The following PLA2G12A variants were observed in gnomAD, a reference collection of about 807,000 sequenced individuals.
PLA2G12A encodes the protein phospholipase A2 group XIIA.
PLA2G12A carries 11 observed loss-of-function variants against 16.0 expected under a neutral mutation model. That is an observed-to-expected ratio of 0.69 (90% CI 0.43 to 1.13). PLA2G12A has a LOEUF of 1.13. PLA2G12A is among the 50% of genes most tolerant of loss of function. PLA2G12A has a pLI of 0.00. For missense variants in PLA2G12A, 214 were observed against 237.3 expected, an observed-to-expected ratio of 0.90 and a Z score of 0.65; for synonymous variants, 77 against 93.8, an observed-to-expected ratio of 0.82 and a Z score of 1.03.
chr4:109,718,683 A>G lies in PLA2G12A; in HGVS notation c.285T>C (p.His95=). The part of the protein sequence containing the change: ...NGCGSPLFGV[H]LNIGIPSLTK... ...TTATCAAATAAAAGACAATATTTAC[A>G]TGAACACCAAACAGTGGAGAGCCAC... Residue 95 remains histidine, a splice_region_variant and synonymous_variant, in exon 2 of 4, where the codon CAT becomes CAC. Transcript: ENST00000243501. 1 of 1,586,280 alleles carries G rather than the reference A, an allele frequency of 6.3e-7. No homozygotes were observed. The highest frequency in any genetic ancestry group is 1.1e-5 in the South Asian group (1 of 87,950).
chr4:109,724,376 T>C (rs1470230874), intron 1 of PLA2G12A, among the ~76,000 whole-genome samples: 2 of 151,882 alleles, frequency 1.3e-5, no homozygotes, highest in African/African-American at 2.4e-5. Flanking sequence ...CCTGCCTCAG[T>C]CTCCCAAAGT....
In PLA2G12A at chr4:109,711,664, T is replaced by C. The variant is rs1730732578; in HGVS notation, c.*2713A>G. On this transcript the variant is annotated 3_prime_UTR_variant, in exon 4 of 4. Transcript: ENST00000243501. ...ATATAGAAAAATTCCAAATACTACA[T>C]ATGGATATTCCCACTTCCAGGGGGT... 6.6e-6 allele frequency: 1 copy of C among 152,130 alleles called. No homozygotes were observed. The highest frequency in any genetic ancestry group is 2.1e-4 in the South Asian group (1 of 4,832). The allele number at this position is 152,130 out of a possible 1,614,324, so 9.4% of individuals were successfully genotyped here.
chr4:109,718,252 T>C (rs972066508), intron 2 of PLA2G12A, among the ~76,000 whole-genome samples: 7 of 152,358 alleles, frequency 4.6e-5, no homozygotes, highest in Middle Eastern at 6.8e-3. Context: ...AATAACTTTA[T>C]ACACAAAATC....
chr4:109,723,135 G>T (rs1020847933), intron 1 of PLA2G12A, among the ~76,000 whole-genome samples: 17 of 151,800 alleles, frequency 1.1e-4, no homozygotes, highest in African/African-American at 3.9e-4. Context: ...AACCTTTTGT[G>T]CTGGATAAAG....
At chr4:109,715,332 C>G (rs1167406234) in intron 3 of PLA2G12A, among the ~76,000 whole-genome samples, 1 of 152,192 alleles carries the variant, frequency 6.6e-6, no homozygotes, top group Admixed American at 6.5e-5. Flanking sequence ...GAGGACTGAT[C>G]ATACATCAGT....
intron 1 of PLA2G12A, 122 bp downstream of exon 1, chr4:109,729,480 T>C: frequency 8.9e-7 from 1 of 1,121,228 alleles, no homozygotes; most frequent in Non-Finnish European, 1.3e-6. Context: ...GTGGTTAAGT[T>C]TTTCCACAGC....
intron 1 of PLA2G12A, among the ~76,000 whole-genome samples, chr4:109,720,218 C>T (rs1023630062): frequency 5.9e-5 from 9 of 152,232 alleles, no homozygotes; most frequent in Non-Finnish European, 1.0e-4. Flanking sequence ...ATTTATCTTG[C>T]CTTCTAAAAT....
At chr4:109,726,244 C>T (rs1365579328) in intron 1 of PLA2G12A, among the ~76,000 whole-genome samples, 1 of 152,228 alleles carries the variant, frequency 6.6e-6, no homozygotes, top group African/African-American at 2.4e-5. Context: ...CTACTCTCCA[C>T]TGAACCATTC....
chr4:109,722,132 A>G (rs1722789747), intron 1 of PLA2G12A, among the ~76,000 whole-genome samples: 1 of 152,212 alleles, frequency 6.6e-6, no homozygotes, highest in Non-Finnish European at 1.5e-5. Flanking sequence ...ACAAAAGCCA[A>G]AGTCTATAAA....
At chr4:109,728,878 C>T (rs1196486919) in intron 1 of PLA2G12A, among the ~76,000 whole-genome samples, 1 of 152,120 alleles carries the variant, frequency 6.6e-6, no homozygotes, top group Non-Finnish European at 1.5e-5. Context: ...TTTAAGCACT[C>T]AAAAATGTGC....
intron 1 of PLA2G12A, among the ~76,000 whole-genome samples, chr4:109,719,832 T>G (rs1217404685): frequency 2.0e-5 from 3 of 152,208 alleles, no homozygotes; most frequent in Non-Finnish European, 4.4e-5. Flanking sequence ...GAGCACATGC[T>G]GTGGGAAATA....
Position 109,714,421 on chromosome 4 carries a change from G to A in PLA2G12A, c.526C>T (p.Arg176Ter), listed in dbSNP as rs186417780. 98 of 1,613,918 alleles carry A rather than the reference G, an allele frequency of 6.1e-5. No individual in the cohort carries two copies. The highest frequency in any genetic ancestry group is 7.2e-5 in the Non-Finnish European group (85 of 1,179,924). Reference protein sequence around the residue: ...LGCKPYLDSQRAACRCHYEEK... With the variant: ...LGCKPYLDSQ Reference sequence around the variant, plus strand: ...TCATAATGACACCTGCATGCGGCTCGTTGGCTGTCCAGATATGGTTTACAA... The same window carrying A: ...TCATAATGACACCTGCATGCGGCTCATTGGCTGTCCAGATATGGTTTACAA... Residue 176 changes from arginine (R) to a stop codon, truncating the protein, a stop_gained, in exon 4 of 4, where the codon CGA (arginine) becomes TGA (stop). Coordinates refer to ENST00000243501, the MANE Select transcript of PLA2G12A (RefSeq NM_030821.5). LOFTEE classifies it high-confidence loss of function.
At chr4:109,721,261 A>G (rs1017981950) in intron 1 of PLA2G12A, among the ~76,000 whole-genome samples, 4 of 151,766 alleles carry the variant, frequency 2.6e-5, no homozygotes, top group Admixed American at 6.6e-5. Flanking sequence ...GACTCAGGCT[A>G]TCACAGATGA....
At chr4:109,714,529 A>G (rs1730793109) in intron 3 of PLA2G12A, 34 bp from the exon 4 acceptor site, 2 of 1,373,642 alleles carry the variant, frequency 1.5e-6, no homozygotes, top group African/African-American at 2.8e-5. Context: ...ACTGTTGGGC[A>G]ACTGCATTGC....
At chr4:109,722,436 T>C (rs952493896) in intron 1 of PLA2G12A, among the ~76,000 whole-genome samples, 23 of 152,226 alleles carry the variant, frequency 1.5e-4, no homozygotes. Context: ...TGGAGGTGAT[T>C]AGGTCATGTG....
At chr4:109,717,397 C>T in intron 3 of PLA2G12A, 151 bp downstream of exon 3, 2 of 809,252 alleles carry the variant, frequency 2.5e-6, no homozygotes, top group South Asian at 4.2e-5. Flanking sequence ...ATTATAAAAT[C>T]ATCAGCTCCT....
chr4:109,729,275 T>C (rs1388937171), intron 1 of PLA2G12A, among the ~76,000 whole-genome samples: 1 of 151,480 alleles, frequency 6.6e-6, no homozygotes, highest in Admixed American at 6.6e-5. Context: ...TGTTCCACTC[T>C]ATTCCCATGA....
Position 109,712,901 on chromosome 4 carries a change from T to A in PLA2G12A, c.*1476A>T, listed in dbSNP as rs1466248483. 1 of 152,200 alleles carries A rather than the reference T, an allele frequency of 6.6e-6. No individual in the cohort carries two copies. Among genetic ancestry groups the A allele is most frequent in the Non-Finnish European group, 1.5e-5 (1 of 68,038 alleles). 9.4% of individuals were successfully genotyped at this position (152,200 alleles called of 1,614,324 possible). ...CAAACATTTAAGTGGAAACCCAGTT[T>A]GCTCACTTAGCCACAAGGCATACAT... On this transcript the variant is annotated 3_prime_UTR_variant, in exon 4 of 4. Transcript: ENST00000243501.
Position 109,710,383 on chromosome 4 carries a change from CTTCT to C in PLA2G12A, c.*3990_*3993del, listed in dbSNP as rs1730700936. 6.6e-6 allele frequency: 1 copy of C among 152,158 alleles called. No individual in the cohort carries two copies. The highest frequency in any genetic ancestry group is 1.5e-5 in the Non-Finnish European group (1 of 68,030). The allele number at this position is 152,158 out of a possible 1,614,324, so 9.4% of individuals were successfully genotyped here. On this transcript the variant is annotated 3_prime_UTR_variant, in exon 4 of 4. Transcript: ENST00000243501. ...AAATAATGAGCATTGTGCATCGCAC[CTTCT>C]GATAATCTCATACTTCTATAAATAC...
Sources: allele counts gnomAD v4.1 joint callset (sites outside exome capture counted in the v4.1 genomes callset), GRCh38; gene constraint gnomAD v4.1.1; transcripts MANE v1.5; gene names NCBI Gene and HGNC (gene_info 2026-07-23, HGNC 2026-07-21).